PLXNA1: variants seen among roughly 807,000 people sequenced by gnomAD.
PLXNA1 encodes plexin-A1.
PLXNA1 carries 77 observed loss-of-function variants against 191.7 expected under a neutral mutation model. The ratio of observed to expected loss-of-function variants is 0.40; its 90% confidence interval spans 0.33 to 0.49. The LOEUF is 0.49. PLXNA1 is among the 20% of genes least tolerant of loss of function. The pLI is 0.63. For missense variants in PLXNA1, 2,110 were observed against 2,660.2 expected, an observed-to-expected ratio of 0.79 and a Z score of 4.55; for synonymous variants, 1,137 against 1,156.4, an observed-to-expected ratio of 0.98 and a Z score of 0.34.
intron 1 of PLXNA1, among the ~76,000 whole-genome samples, chr3:126,985,026 C>G (rs1053295991): frequency 2.0e-5 from 3 of 152,200 alleles, no homozygotes; most frequent in Admixed American, 6.5e-5. Flanking sequence ...TGTCTTCCCC[C>G]CCGGCTGCTG....
At chr3:126,986,525 C>T (rs899007887) in intron 1 of PLXNA1, among the ~76,000 whole-genome samples, 2 of 152,184 alleles carry the variant, frequency 1.3e-5, no homozygotes, top group Admixed American at 1.3e-4. Flanking sequence ...GGGGCTGCCG[C>T]ACCCAGACCT....
At chr3:126,994,852 T>A (rs2079007470) in intron 3 of PLXNA1, among the ~76,000 whole-genome samples, 1 of 150,846 alleles carries the variant, frequency 6.6e-6, no homozygotes, top group Non-Finnish European at 1.5e-5. Context: ...GCCCCGGGGC[T>A]CCCTCCTGCC....
chr3:127,020,933 C>T (rs1304269925), intron 21 of PLXNA1, among the ~76,000 whole-genome samples: 1 of 152,216 alleles, frequency 6.6e-6, no homozygotes, highest in Non-Finnish European at 1.5e-5. Flanking sequence ...TGGCAGCGAG[C>T]CTGGCGAGGG....
At chr3:127,024,534 G>T (rs1162812365) in intron 23 of PLXNA1, among the ~76,000 whole-genome samples, 2 of 152,178 alleles carry the variant, frequency 1.3e-5, no homozygotes, top group Non-Finnish European at 2.9e-5. Context: ...ATTTGGGTGG[G>T]AGTGGTGCAG....
At chr3:126,983,828 CA>C (rs2078944028) in intron 1 of PLXNA1, among the ~76,000 whole-genome samples, 1 of 151,998 alleles carries the variant, frequency 6.6e-6, no homozygotes, top group Admixed American at 6.5e-5. Flanking sequence ...CGGAGCCTCC[CA>C]GCAGGGCCGC....
At chr3:126,992,697 T>G (rs1464214141) in intron 3 of PLXNA1, among the ~76,000 whole-genome samples, 1 of 151,572 alleles carries the variant, frequency 6.6e-6, no homozygotes, top group Non-Finnish European at 1.5e-5. Context: ...CCCCCCAGGG[T>G]GGGGGTGCCC....
chr3:127,019,803 A>G (rs191585381), intron 20 of PLXNA1, among the ~76,000 whole-genome samples: 1 of 152,160 alleles, frequency 6.6e-6, no homozygotes, highest in African/African-American at 2.4e-5. Flanking sequence ...TGTGCATGCA[A>G]TGGTGTGGGG....
intron 3 of PLXNA1, among the ~76,000 whole-genome samples, chr3:127,002,367 C>T (rs955461632): frequency 6.6e-5 from 10 of 152,260 alleles, no homozygotes; most frequent in Non-Finnish European, 1.5e-5. Flanking sequence ...GGCTCAGAAA[C>T]ACAGCGCCCC....
chr3:127,017,169 G>T (rs1450312101), intron 17 of PLXNA1, 132 bp downstream of exon 17: 17 of 1,014,584 alleles, frequency 1.7e-5, no homozygotes, highest in Non-Finnish European at 1.5e-6. Flanking sequence ...CCTTGGCTGT[G>T]CCTGGAGACC....
At chr3:127,002,980 C>G (rs1002786592) in intron 3 of PLXNA1, among the ~76,000 whole-genome samples, 14 of 152,190 alleles carry the variant, frequency 9.2e-5, no homozygotes, top group African/African-American at 3.4e-4. Flanking sequence ...GCTAGGCACC[C>G]GTGGGACTCC....
rs529765597 is a variant in PLXNA1 at position 127,016,428 on chromosome 3, G to A, written c.3015-89G>A. 126 of 1,164,724 alleles carry A rather than the reference G, an allele frequency of 1.1e-4. 1 individual carries two copies. The East Asian group carries it at 2.4e-3, about 22-fold the overall frequency. 72.1% of individuals were successfully genotyped at this position (1,164,724 alleles called of 1,614,324 possible). A position where few individuals can be genotyped will look rare whatever the true frequency, so the allele number is the denominator to read the frequency against. ...CAAGGCAGTACCTGTGACAGATGGC[G>A]CTGTTCCCACCGTCCCTCAATGCAT... On this transcript the variant is annotated intron_variant, in intron 15 of 31. Transcript: ENST00000393409.
chr3:127,027,931 C>T lies in PLXNA1; in HGVS notation c.4363-9C>T, dbSNP rs780711990. The T allele has an allele frequency of 1.2e-6, 2 of 1,613,070 alleles. No homozygotes were observed. Among genetic ancestry groups the T allele is most frequent in the Non-Finnish European group, 1.7e-6 (2 of 1,179,896 alleles). On this transcript the variant is annotated splice_polypyrimidine_tract_variant and intron_variant, in intron 23 of 31. Transcript: ENST00000393409. ...TCCTGGCTGCAGCCTCATGCCGCCACCCCCGCAGGAGTGCGCTGGGGAGCC... is the reference window on the plus strand; with the variant it reads ...TCCTGGCTGCAGCCTCATGCCGCCATCCCCGCAGGAGTGCGCTGGGGAGCC...
chr3:126,990,841 G>A (rs2078986654), intron 2 of PLXNA1, among the ~76,000 whole-genome samples: 1 of 152,206 alleles, frequency 6.6e-6, no homozygotes, highest in African/African-American at 2.4e-5. Flanking sequence ...ACTGAGGCTT[G>A]TAGGGGCAGA....
intron 23 of PLXNA1, among the ~76,000 whole-genome samples, chr3:127,025,425 A>G (rs2079172485): frequency 6.6e-6 from 1 of 152,228 alleles, no homozygotes; most frequent in African/African-American, 2.4e-5. Context: ...GTGTGCCACA[A>G]ACTTAAAAAA....
rs2079051851 is a variant in PLXNA1, at chr3:127,003,616, T to C, written c.1518+146T>C. 8 of 972,518 alleles carry C rather than the reference T, an allele frequency of 8.2e-6. No homozygotes were observed. In the Middle Eastern group the frequency reaches 1.2e-3, roughly 145 times the overall value. 60.2% of individuals were successfully genotyped at this position (972,518 alleles called of 1,614,324 possible). ...AAAGTAGTTTCAAGCTGGTCTGTGC[T>C]CTGCCTCCCTGCAGACTTGTGGGCT... On this transcript the variant is annotated intron_variant, in intron 4 of 31. Coordinates refer to ENST00000393409, the MANE Select transcript of PLXNA1 (RefSeq NM_032242.4).
chr3:127,004,170 G>A (rs960056949), intron 4 of PLXNA1, among the ~76,000 whole-genome samples: 1 of 152,244 alleles, frequency 6.6e-6, no homozygotes, highest in African/African-American at 2.4e-5. Flanking sequence ...ACGTGCCTCC[G>A]TGGGCACTGG....
intron 9 of PLXNA1, among the ~76,000 whole-genome samples, chr3:127,008,897 G>C (rs1461751081): frequency 6.6e-6 from 1 of 152,182 alleles, no homozygotes; most frequent in Non-Finnish European, 1.5e-5. Flanking sequence ...GGGTAGCCCG[G>C]GGCAGCAGGG....
chr3:126,984,824 C>CAGAGCAGCTT (rs958734852), intron 1 of PLXNA1, among the ~76,000 whole-genome samples: 4 of 152,218 alleles, frequency 2.6e-5, no homozygotes, highest in Non-Finnish European at 5.9e-5. Context: ...CCCCCGTGCA[C>CAGAGCAGCTT]AGAGCAGCTT....
At chr3:127,030,171 G>A in intron 28 of PLXNA1, 72 bp from the exon 29 acceptor site, 1 of 1,591,234 alleles carries the variant, frequency 6.3e-7, no homozygotes. Flanking sequence ...ATGGCCACTT[G>A]CCTAGTCACC....
Sources: gnomAD v4.1 joint callset for allele counts (sites outside exome capture counted in the v4.1 genomes callset) on GRCh38, gnomAD v4.1.1 for gene constraint, MANE v1.5 for transcripts, NCBI Gene and HGNC (gene_info 2026-07-23, HGNC 2026-07-21) for gene names.